The following KIAA1614 variants were observed in gnomAD, a reference collection of about 807,000 sequenced individuals.
The protein encoded by KIAA1614 is KIAA1614.
KIAA1614 carries 76 observed loss-of-function variants against 88.7 expected under a neutral mutation model. That is an observed-to-expected ratio of 0.86 (90% CI 0.71 to 1.04). The LOEUF (loss-of-function observed/expected upper bound fraction) is 1.04, where lower values mean the gene tolerates loss of function less well. KIAA1614 is among the 50% of genes least tolerant of loss of function. KIAA1614 has a pLI of 0.00. For synonymous variants in KIAA1614, 714 were observed against 675.5 expected, an observed-to-expected ratio of 1.06 and a Z score of -0.88; for missense variants, 1,553 against 1,582.5, an observed-to-expected ratio of 0.98 and a Z score of 0.32.
chr1:180,916,158 C>A lies in KIAA1614; in HGVS notation c.55C>A (p.Pro19Thr). ...TCTGTCTGTTTTCTCCTCCAGAGGGCCCAAGACAGGGAGTGGAACAGCCAG... is the reference window on the plus strand; with the variant it reads ...TCTGTCTGTTTTCTCCTCCAGAGGGACCAAGACAGGGAGTGGAACAGCCAG... ...AKPAGGSPQG[P>T]KTGSGTASPV... The change falls in exon 2 of 9, where the codon CCC (proline) becomes ACC (threonine). Residue 19 changes from proline (P) to threonine (T), a missense_variant. Pro to Thr is a conservative substitution (Grantham distance 38). Transcript: ENST00000367588. 1.3e-6 allele frequency: 2 copies of A among 1,556,432 alleles called. No homozygotes were observed. Among genetic ancestry groups the A allele is most frequent in the Non-Finnish European group, 8.7e-7 (1 of 1,151,836 alleles).
intron 3 of KIAA1614, among the ~76,000 whole-genome samples, chr1:180,918,655 C>T (rs189614585): frequency 6.6e-6 from 1 of 152,292 alleles, no homozygotes; most frequent in Non-Finnish European, 1.5e-5. Flanking sequence ...CTCTCGTTTC[C>T]CCAGCTGTCT....
chr1:180,922,482 G>A (rs1055349768), intron 3 of KIAA1614, among the ~76,000 whole-genome samples: 2 of 151,964 alleles, frequency 1.3e-5, no homozygotes, highest in African/African-American at 2.4e-5. Flanking sequence ...GGGATTCCTT[G>A]GGGGGTAAAA....
chr1:180,928,138 A>G (rs1009875214), intron 3 of KIAA1614: 1 of 314,790 alleles, frequency 3.2e-6, no homozygotes, highest in Non-Finnish European at 5.8e-6. Flanking sequence ...AGACTCTCCT[A>G]CCCTTTCTAG....
At position 180,935,992 on chromosome 1, in the gene KIAA1614, C is replaced by CA; in HGVS notation, c.2084dup (p.His695GlnfsTer4). On this transcript the variant is annotated frameshift_variant, in exon 5 of 9. Coordinates refer to ENST00000367588, the MANE Select transcript of KIAA1614 (RefSeq NM_020950.2). LOFTEE classifies it high-confidence loss of function. This position sits in a 1 kb window ranked among gnomAD's most constrained non-coding sequence, Gnocchi z 6.1. ...AAATGAGGTGAAAGAGGGCAGAGGA[C>CA]ACACGCCTGAAGGAACTCTATTTTT... The CA allele has an allele frequency of 6.2e-7, 1 of 1,614,066 alleles. No homozygotes were observed. Among genetic ancestry groups the CA allele is most frequent in the African/African-American group, 1.3e-5 (1 of 75,068 alleles).
rs1464060991 is a variant in KIAA1614 at position 180,913,285 on chromosome 1, C to T, written c.42C>T (p.Gly14=). The T allele has an allele frequency of 4.8e-6, 6 of 1,258,828 alleles. No individual in the cohort carries two copies. The South Asian group carries it at 1.7e-4, about 36-fold the overall frequency. The allele number at this position is 1,258,828 out of a possible 1,614,324, so 78.0% of individuals were successfully genotyped here. A position where few individuals can be genotyped will look rare whatever the true frequency, so the allele number is the denominator to read the frequency against. Residue 14 remains glycine (G), a synonymous_variant, in exon 1 of 9, where the codon GGC becomes GGT. Transcript: ENST00000367588. The stretch of plus-strand genomic sequence containing the variant: ...CGGCGGCGGCCAAACCCGCGGGCGG[C>T]AGCCCCCAGTGAGTATAGAGGAGGC... ...TEAAAAKPAG[G]SPQGPKTGSG... is the part of the protein sequence containing the mutation.
intron 4 of KIAA1614, among the ~76,000 whole-genome samples, chr1:180,932,337 C>T (rs1571294099): frequency 6.6e-6 from 1 of 152,042 alleles, no homozygotes; most frequent in Admixed American, 6.6e-5. Flanking sequence ...CTTTCGGGGG[C>T]CCTAGGCACT....
intron 7 of KIAA1614, among the ~76,000 whole-genome samples, chr1:180,942,975 G>C (rs544173456): frequency 2.0e-5 from 3 of 152,032 alleles, no homozygotes; most frequent in Admixed American, 2.0e-4. Context: ...AATACTTGCT[G>C]TTGGTGTGTG....
Position 180,936,348 on chromosome 1 carries a change from G to A in KIAA1614, c.2439G>A (p.Ser813=), listed in dbSNP as rs746030777. 7 of 1,614,128 alleles carry A rather than the reference G, an allele frequency of 4.3e-6. No individual in the cohort carries two copies. The East Asian group carries it at 6.7e-5, about 15-fold the overall frequency. Residue 813 remains serine, a synonymous_variant, in exon 5 of 9, where the codon TCG becomes TCA. Transcript: ENST00000367588. Reference sequence around the variant, plus strand: ...GCTGGGCGCCAACCCCTCCCCCTTCGAGGAAAACCACCTCGCCAGTGTCTC... The same window carrying A: ...GCTGGGCGCCAACCCCTCCCCCTTCAAGGAAAACCACCTCGCCAGTGTCTC... ...PEGWAPTPPP[S]RKTTSPVSHR...
At chr1:180,928,709 G>A in intron 4 of KIAA1614, 136 bp downstream of exon 4, 1 of 1,007,836 alleles carries the variant, frequency 9.9e-7, no homozygotes, top group Non-Finnish European at 1.4e-6. Context: ...TTCCATATAA[G>A]GCTCTTGCTT....
Position 180,936,443 on chromosome 1 carries a change from C to T in KIAA1614, c.2534C>T (p.Pro845Leu). ...DQTEPVGIPRPPSRSAVLRTC... is the reference protein window; with the variant it reads ...DQTEPVGIPRLPSRSAVLRTC... ...ACAGAGCCTGTGGGTATCCCTCGGC[C>T]TCCTTCAAGAAGCGCGGTTCTCAGG... Residue 845 changes from proline to leucine, a missense_variant, in exon 5 of 9, where the codon CCT becomes CTT. Coordinates refer to ENST00000367588, the MANE Select transcript of KIAA1614 (RefSeq NM_020950.2). 3 of 1,614,056 alleles carry T rather than the reference C, an allele frequency of 1.9e-6. No homozygotes were observed. In the East Asian group the frequency reaches 6.7e-5, roughly 36 times the overall value.
rs1233424485 is a variant in KIAA1614 at position 180,946,121 on chromosome 1, A to T, written c.*533A>T. 6.6e-6 allele frequency: 1 copy of T among 152,122 alleles called. No homozygotes were observed. Among genetic ancestry groups the T allele is most frequent in the Non-Finnish European group, 1.5e-5 (1 of 68,066 alleles). The allele number at this position is 152,122 out of a possible 1,614,324, so 9.4% of individuals were successfully genotyped here. A position where few individuals can be genotyped will look rare whatever the true frequency, so the allele number is the denominator to read the frequency against. Reference sequence around the variant, plus strand: ...TTCATCTCAAAGGAAAAAAAAAAAGAAATAAATAAATTAGAATTTTGAAGG... The same window carrying T: ...TTCATCTCAAAGGAAAAAAAAAAAGTAATAAATAAATTAGAATTTTGAAGG... On this transcript the variant is annotated 3_prime_UTR_variant, in exon 9 of 9. Coordinates refer to ENST00000367588, the MANE Select transcript of KIAA1614 (RefSeq NM_020950.2).
At position 180,935,238 on chromosome 1, in the gene KIAA1614, G is replaced by A. The variant is rs748048451; in HGVS notation, c.1329G>A (p.Arg443=). 1.3e-6 allele frequency: 2 copies of A among 1,533,260 alleles called. No individual in the cohort carries two copies. The highest frequency in any genetic ancestry group is 8.7e-7 in the Non-Finnish European group (1 of 1,143,114). 95.0% of individuals were successfully genotyped at this position (1,533,260 alleles called of 1,614,324 possible). Residue 443 remains arginine, a synonymous_variant, in exon 5 of 9, where the codon CGG becomes CGA. Coordinates refer to ENST00000367588, the MANE Select transcript of KIAA1614 (RefSeq NM_020950.2). The surrounding 1 kb of genome is among the most constrained non-coding windows in gnomAD (Gnocchi z 6.1). ...CCAGCGGTGGGCACAGGCCGAGGCG[G>A]GGCCCCTCGCCGTCGCACGTGCGCT... ...GESSGGHRPR[R]GPSPSHVRFE... is the part of the protein sequence containing the mutation.
At chr1:180,922,052 G>A (rs1457872350) in intron 3 of KIAA1614, among the ~76,000 whole-genome samples, 3 of 152,234 alleles carry the variant, frequency 2.0e-5, no homozygotes, top group Non-Finnish European at 1.5e-5. Flanking sequence ...GGAGGCTCAG[G>A]AGCCCGCGCC....
intron 7 of KIAA1614, among the ~76,000 whole-genome samples, chr1:180,943,550 C>CTTTTT (rs60128001): frequency 9.2e-5 from 9 of 98,218 alleles, no homozygotes; most frequent in African/African-American, 2.1e-4. Flanking sequence ...GGTAGTAGAT[C>CTTTTT]TTTTTTTTTT....
intron 8 of KIAA1614, 84 bp downstream of exon 8, chr1:180,944,600 T>C (rs960386178): frequency 2.0e-6 from 3 of 1,471,218 alleles, no homozygotes; most frequent in Non-Finnish European, 2.8e-6. Context: ...TGCCTCAGCA[T>C]CATGGCTCTG....
chr1:180,941,006 G>GGGCGC, intron 6 of KIAA1614, 39 bp from the exon 7 acceptor site: 2 of 908,442 alleles, frequency 2.2e-6, no homozygotes, highest in Non-Finnish European at 1.5e-6. Context: ...CACCCTCCCG[G>GGGCGC]CCCTCCCCCG....
At position 180,945,768 on chromosome 1, in the gene KIAA1614, G is replaced by A; in HGVS notation, c.*180G>A. 1 of 1,362,792 alleles carries A rather than the reference G, an allele frequency of 7.3e-7. No individual in the cohort carries two copies. Among genetic ancestry groups the A allele is most frequent in the Non-Finnish European group, 9.4e-7 (1 of 1,067,906 alleles). The allele number at this position is 1,362,792 out of a possible 1,614,324, so 84.4% of individuals were successfully genotyped here. A position where few individuals can be genotyped will look rare whatever the true frequency, so the allele number is the denominator to read the frequency against. ...TGTGCGGGAGGGGGTAGAGTTGGCA[G>A]GTTTGACTCCACTGTCCCCCTGCTG... On this transcript the variant is annotated 3_prime_UTR_variant, in exon 9 of 9. Transcript: ENST00000367588.
At chr1:180,938,316 G>C (rs1654376875) in intron 5 of KIAA1614, among the ~76,000 whole-genome samples, 1 of 152,228 alleles carries the variant, frequency 6.6e-6, no homozygotes, top group African/African-American at 2.4e-5. Flanking sequence ...ACAAGACTCA[G>C]TCCCTGTCCT....
Position 180,941,157 on chromosome 1 carries a change from T to G in KIAA1614, c.3031T>G (p.Ser1011Ala). 6.2e-7 allele frequency: 1 copy of G among 1,613,734 alleles called. No homozygotes were observed. Among genetic ancestry groups the G allele is most frequent in the South Asian group, 1.1e-5 (1 of 91,076 alleles). Reference sequence around the variant, plus strand: ...CACCCTGGGGCTGAAAAAGCTCTTCTCAGCCCTGGGCCAGAGTTCCCGGCC... The same window carrying G: ...CACCCTGGGGCTGAAAAAGCTCTTCGCAGCCCTGGGCCAGAGTTCCCGGCC... ...ASTLGLKKLF[S>A]ALGQSSRPKL... Residue 1011 changes from serine to alanine, a missense_variant, in exon 7 of 9, where the codon TCA (serine) becomes GCA (alanine). Transcript: ENST00000367588.
Sources: allele counts gnomAD v4.1 joint callset (sites outside exome capture counted in the v4.1 genomes callset), GRCh38; gene constraint gnomAD v4.1.1; non-coding constraint Gnocchi (gnomAD v3.1); transcripts MANE v1.5; gene names NCBI Gene and HGNC (gene_info 2026-07-23, HGNC 2026-07-21).